Variants in TRAPPC8 observed in about 807,000 individuals in gnomAD.
The protein encoded by TRAPPC8 is general sporulation gene 1 homolog.
Under a neutral mutation model 174.3 loss-of-function variants are expected in TRAPPC8, and 54 were observed. The ratio of observed to expected loss-of-function variants is 0.31; its 90% CI spans 0.25 to 0.39. The LOEUF (loss-of-function observed/expected upper bound fraction) is 0.39. Ranked by LOEUF, TRAPPC8 falls within the 10% of genes least tolerant of loss-of-function variation. The pLI is 1.00. For missense variants in TRAPPC8, 1,531 were observed against 1,699.1 expected, an observed-to-expected ratio of 0.90 and a Z score of 1.74; for synonymous variants, 630 against 579.9, an observed-to-expected ratio of 1.09 and a Z score of -1.24.
At chr18:31,889,426 A>G (rs576049313) in intron 12 of TRAPPC8, among the ~76,000 whole-genome samples, 1 of 152,336 alleles carries the variant, frequency 6.6e-6, no homozygotes, top group East Asian at 1.9e-4. Flanking sequence ...ATGACGACTT[A>G]TTTTCAATAG....
At chr18:31,936,126 G>A (rs759414505) in intron 1 of TRAPPC8, among the ~76,000 whole-genome samples, 4 of 151,578 alleles carry the variant, frequency 2.6e-5, no homozygotes, top group Non-Finnish European at 4.4e-5. Context: ...AAGGTAGGAG[G>A]ATCTTGTATA....
chr18:31,893,382 TGTG>T (rs1286732342), intron 11 of TRAPPC8, among the ~76,000 whole-genome samples: 1 of 86,406 alleles, frequency 1.2e-5, no homozygotes, highest in Non-Finnish European at 2.7e-5. Flanking sequence ...TGCTTCTAGG[TGTG>T]TGTGTGTGTG....
intron 18 of TRAPPC8, among the ~76,000 whole-genome samples, chr18:31,866,476 CCAT>C (rs2034591837): frequency 6.6e-6 from 1 of 151,608 alleles, no homozygotes; most frequent in Non-Finnish European, 1.5e-5. Flanking sequence ...TTAATTTGTT[CCAT>C]GTTTTATAAA....
At chr18:31,898,530 C>T (rs1473950743) in intron 10 of TRAPPC8, among the ~76,000 whole-genome samples, 2 of 152,176 alleles carry the variant, frequency 1.3e-5, no homozygotes, top group Non-Finnish European at 2.9e-5. Flanking sequence ...AAACATGTCA[C>T]ACATTATTTC....
At chr18:31,841,892 T>A (rs890000389) in intron 26 of TRAPPC8, among the ~76,000 whole-genome samples, 2 of 152,194 alleles carry the variant, frequency 1.3e-5, no homozygotes, top group Non-Finnish European at 2.9e-5. Flanking sequence ...TTTAAAAAAA[T>A]AAACTATCTC....
Position 31,908,989 on chromosome 18 carries a change from C to A in TRAPPC8, c.887G>T (p.Arg296Ile). The change falls in exon 7 of 29, where the codon AGA becomes ATA. Residue 296 changes from arginine to isoleucine, a missense_variant. Coordinates refer to ENST00000283351, the MANE Select transcript of TRAPPC8 (RefSeq NM_014939.5). The part of the protein sequence containing the change: ...EVKDGLPNNF[R>I]AHPLQLEQSS... ...TTGCTCCAACTGAAGTGGGTGAGCT[C>A]TAAAGTTATTTGGTAAGCCATCTAC... 5 of 1,607,492 alleles carry A rather than the reference C, an allele frequency of 3.1e-6. No individual in the cohort carries two copies. Among genetic ancestry groups the A allele is most frequent in the Non-Finnish European group, 4.2e-6 (5 of 1,176,546 alleles).
At chr18:31,858,135 G>C (rs2034132515) in intron 19 of TRAPPC8, among the ~76,000 whole-genome samples, 153 bp from the exon 20 acceptor site, 1 of 150,648 alleles carries the variant, frequency 6.6e-6, no homozygotes, top group South Asian at 2.1e-4. Context: ...GGCAGTTAAT[G>C]ACTCCATTTT....
At chr18:31,900,250 A>T (rs1449391936) in intron 10 of TRAPPC8, among the ~76,000 whole-genome samples, 1 of 152,126 alleles carries the variant, frequency 6.6e-6, no homozygotes, top group African/African-American at 2.4e-5. Flanking sequence ...AACCAGAAAC[A>T]AAAAAATAAT....
At chr18:31,861,024 T>TA (rs1287795054) in intron 19 of TRAPPC8, among the ~76,000 whole-genome samples, 1 of 152,186 alleles carries the variant, frequency 6.6e-6, no homozygotes, top group Admixed American at 6.5e-5. Flanking sequence ...ACTGGAAACA[T>TA]AAAGTGCAAC....
At chr18:31,876,454 C>A (rs1422741357) in intron 12 of TRAPPC8, among the ~76,000 whole-genome samples, 1 of 133,102 alleles carries the variant, frequency 7.5e-6, no homozygotes. Context: ...TGTGCCACTG[C>A]ACTCCAGCCT....
intron 7 of TRAPPC8, among the ~76,000 whole-genome samples, 159 bp downstream of exon 7, chr18:31,908,595 A>G (rs912673140): frequency 6.6e-6 from 1 of 152,176 alleles, no homozygotes. Flanking sequence ...CCTCTTCTAG[A>G]GTTGAACAGA....
Position 31,846,835 on chromosome 18 carries a change from C to G in TRAPPC8, c.3736-18G>C. 1 of 1,591,164 alleles carries G rather than the reference C, an allele frequency of 6.3e-7. No individual in the cohort carries two copies. Among genetic ancestry groups the G allele is most frequent in the Non-Finnish European group, 8.6e-7 (1 of 1,162,838 alleles). On this transcript the variant is annotated intron_variant, in intron 25 of 28. Coordinates refer to ENST00000283351, the MANE Select transcript of TRAPPC8 (RefSeq NM_014939.5). ...ACGTATGCCTAAAAAATGCAAAGTA[C>G]AAAAACGTTACCGTGCTTGACAGTA...
At chr18:31,939,041 G>A (rs9965666) in intron 1 of TRAPPC8, among the ~76,000 whole-genome samples, 5,918 of 130,558 alleles carry the variant, frequency 0.045, 342 homozygotes, top group African/African-American at 0.14. Context: ...GATCTATCTC[G>A]CCGCTGCACT....
At chr18:31,908,004 C>A (rs1358280565) in intron 8 of TRAPPC8, among the ~76,000 whole-genome samples, 4 of 152,176 alleles carry the variant, frequency 2.6e-5, no homozygotes, top group Non-Finnish European at 5.9e-5. Flanking sequence ...GTCTTAGAAT[C>A]ATCAGGCCAT....
chr18:31,870,513 A>G lies in TRAPPC8; in HGVS notation c.2258-11T>C. 1.3e-6 allele frequency: 2 copies of G among 1,598,052 alleles called. No individual in the cohort carries two copies. The highest frequency in any genetic ancestry group is 1.7e-6 in the Non-Finnish European group (2 of 1,175,140). Reference sequence around the variant, plus strand: ...CCACTGTAATTGGTTCTATTAAAAAAAAGGCCTAAATTAATAACTTTAATA... The same window carrying G: ...CCACTGTAATTGGTTCTATTAAAAAGAAGGCCTAAATTAATAACTTTAATA... On this transcript the variant is annotated splice_polypyrimidine_tract_variant and intron_variant, in intron 15 of 28. Coordinates refer to ENST00000283351, the MANE Select transcript of TRAPPC8 (RefSeq NM_014939.5).
rs577718752 is a variant in TRAPPC8, at chr18:31,891,379, C to T, written c.1597-513G>A. 9.9e-5 allele frequency among the ~76,000 whole-genome samples: 15 copies of T among 152,216 alleles called. No individual in the cohort carries two copies. In the East Asian group the frequency reaches 1.9e-3, roughly 20 times the overall value. Reference sequence around the variant, plus strand: ...CATTTAAAGGAATCCTCAACTTTTGCTATAATTCTAGAGGGCCAAATCGAC... The same window carrying T: ...CATTTAAAGGAATCCTCAACTTTTGTTATAATTCTAGAGGGCCAAATCGAC... On this transcript the variant is annotated intron_variant, in intron 11 of 28. Coordinates refer to ENST00000283351, the MANE Select transcript of TRAPPC8 (RefSeq NM_014939.5).
At chr18:31,922,330 T>TG (rs1224325834) in intron 2 of TRAPPC8, among the ~76,000 whole-genome samples, 3 of 152,146 alleles carry the variant, frequency 2.0e-5, no homozygotes, top group African/African-American at 7.2e-5. Flanking sequence ...TGGTGGCTCA[T>TG]GCCTGTAATC....
At chr18:31,887,935 C>G (rs2035794915) in intron 12 of TRAPPC8, among the ~76,000 whole-genome samples, 1 of 152,082 alleles carries the variant, frequency 6.6e-6, no homozygotes, top group Non-Finnish European at 1.5e-5. Context: ...TGACATGATC[C>G]TGTGTCTAGA....
At chr18:31,912,675 G>C (rs1231716097) in intron 5 of TRAPPC8, among the ~76,000 whole-genome samples, 1 of 150,944 alleles carries the variant, frequency 6.6e-6, no homozygotes, top group Non-Finnish European at 1.5e-5. Context: ...AAAAAGAAAA[G>C]AAAAAGAAAA....
Sources: allele counts gnomAD v4.1 joint callset (sites outside exome capture counted in the v4.1 genomes callset), GRCh38; gene constraint gnomAD v4.1.1; transcripts MANE v1.5; gene names NCBI Gene and HGNC (gene_info 2026-07-23, HGNC 2026-07-21).